Variants in IL3RA observed in about 807,000 individuals in gnomAD.
IL3RA encodes the protein interleukin 3 receptor subunit alpha, also known as interleukin-3 receptor subunit alpha.
A neutral mutation model predicts 52.3 loss-of-function variants in IL3RA; 73 were observed. The ratio of observed to expected loss-of-function variants is 1.40; its 90% confidence interval spans 1.16 to 1.70. The LOEUF is 1.70. IL3RA is among the 40% of genes most tolerant of loss of function. The pLI is 0.00. For synonymous variants in IL3RA, 260 were observed against 194.0 expected, an observed-to-expected ratio of 1.34 and a Z score of -2.83; for missense variants, 664 against 504.4, an observed-to-expected ratio of 1.32 and a Z score of -3.03.
chrX:1,356,644 G>C (rs1406432544), intron 7 of IL3RA, among the ~76,000 whole-genome samples: 2 of 151,796 alleles, frequency 1.3e-5, no homozygotes, highest in South Asian at 4.1e-4. Flanking sequence ...TGGTGGCACG[G>C]TCTTGTAGTT....
chrX:1,382,594 G>GA lies in IL3RA; in HGVS notation c.*130dup. 1.2e-6 allele frequency: 1 copy of GA among 800,618 alleles called. No individual in the cohort carries two copies. Among genetic ancestry groups the GA allele is most frequent in the South Asian group, 1.4e-5 (1 of 69,534 alleles). 49.6% of individuals were successfully genotyped at this position (800,618 alleles called of 1,614,324 possible). On this transcript the variant is annotated 3_prime_UTR_variant, in exon 12 of 12. Transcript: ENST00000331035. ...CATTCCTAACGGGTGGTGGGCATGG[G>GA]AGATGCCTGTGTAATTTCGTCCGAA... is the stretch of plus-strand genomic sequence containing the variant.
intron 11 of IL3RA, 135 bp from the exon 12 acceptor site, chrX:1,382,256 C>CCGGGA (rs1415619196): frequency 1.5e-4 from 128 of 826,248 alleles, no homozygotes; most frequent in Middle Eastern, 3.5e-4. Flanking sequence ...GCCCAAAGTG[C>CCGGGA]TGGGATGACA....
In IL3RA at chrX:1,347,401, C is replaced by T. The variant is rs868814912; in HGVS notation, c.184-1030C>T. The stretch of plus-strand genomic sequence containing the variant: ...AGAAGCTTGCAGTGAGCCGAGATCG[C>T]GCCACTGCACTCCAGCCTGGGCGAC... On this transcript the variant is annotated intron_variant, in intron 3 of 11. Transcript: ENST00000331035. 1.3e-4 allele frequency among the ~76,000 whole-genome samples: 20 copies of T among 148,868 alleles called. No homozygotes were observed. The East Asian group carries it at 1.9e-3, about 14-fold the overall frequency.
chrX:1,341,964 A>G, intron 2 of IL3RA, 135 bp downstream of exon 2: 1 of 929,682 alleles, frequency 1.1e-6, no homozygotes. Flanking sequence ...GTGGTCGGGA[A>G]TGACTCAGAC....
intron 2 of IL3RA, among the ~76,000 whole-genome samples, chrX:1,344,564 G>A (rs1394673468): frequency 6.6e-6 from 1 of 151,674 alleles, no homozygotes; most frequent in African/African-American, 2.4e-5. Context: ...CACGAGGTCA[G>A]GAGATCGAGA....
chrX:1,359,911 CTCTCCCTGTG>C, intron 8 of IL3RA, among the ~76,000 whole-genome samples: 1 of 149,862 alleles, frequency 6.7e-6, no homozygotes, highest in African/African-American at 2.5e-5. Context: ...ATCTCTCTGT[CTCTCCCTGTG>C]TCTATCTCCC....
chrX:1,378,451 G>C (rs753630810), intron 9 of IL3RA, among the ~76,000 whole-genome samples: 2 of 150,980 alleles, frequency 1.3e-5, no homozygotes, highest in African/African-American at 5.0e-5. Flanking sequence ...TCCGGAAGTC[G>C]CTCCCGGTCC....
At chrX:1,362,476 CTCTG>C (rs1430836606) in intron 8 of IL3RA, among the ~76,000 whole-genome samples, 2 of 151,614 alleles carry the variant, frequency 1.3e-5, no homozygotes, top group East Asian at 3.9e-4. Flanking sequence ...ATCTGTCTCT[CTCTG>C]TCCATCACCC....
chrX:1,347,273 G>A lies in IL3RA; in HGVS notation c.184-1158G>A, dbSNP rs180673999. Among the ~76,000 whole-genome samples the A allele has an allele frequency of 1.8e-4, 25 of 138,938 alleles. 1 individual carries two copies. Among genetic ancestry groups the A allele is most frequent in the African/African-American group, 5.3e-4 (20 of 37,462 alleles). The allele number at this position is 138,938 out of a possible 152,430, so 91.1% of individuals were successfully genotyped here. ...CTCCTGGCTAACACGGTGAAACCCC[G>A]TCTCTACTAAAAATATAAAAATTAG... is the stretch of plus-strand genomic sequence containing the variant. On this transcript the variant is annotated intron_variant, in intron 3 of 11. Coordinates refer to ENST00000331035, the MANE Select transcript of IL3RA (RefSeq NM_002183.4).
rs781761996 is a variant in IL3RA, at chrX:1,358,910, C to T, written c.759+23C>T. Reference sequence around the variant, plus strand: ...CAGGTGAGTGTTCCCTACCCCCAGCCGCTGTACTTGACATTGCAAAGGGTG... The same window carrying T: ...CAGGTGAGTGTTCCCTACCCCCAGCTGCTGTACTTGACATTGCAAAGGGTG... On this transcript the variant is annotated intron_variant, in intron 8 of 11. Coordinates refer to ENST00000331035, the MANE Select transcript of IL3RA (RefSeq NM_002183.4). The T allele has an allele frequency of 7.3e-5, 117 of 1,605,224 alleles. 3 individuals carry two copies. The highest frequency in any genetic ancestry group is 1.7e-4 in the Middle Eastern group (1 of 6,046).
chrX:1,364,726 C>A (rs757869603), intron 8 of IL3RA, among the ~76,000 whole-genome samples: 1 of 152,022 alleles, frequency 6.6e-6, no homozygotes, highest in African/African-American at 2.4e-5. Flanking sequence ...AATTCTCCCA[C>A]CTCAGCCTCC....
intron 9 of IL3RA, 82 bp from the exon 10 acceptor site, chrX:1,378,577 C>T (rs2088958476): frequency 8.0e-7 from 1 of 1,245,916 alleles, no homozygotes; most frequent in African/African-American, 1.5e-5. Context: ...TCTCTGCTTC[C>T]CAGGGCCCCG....
chrX:1,381,105 G>A lies in IL3RA; in HGVS notation c.1062+1G>A, dbSNP rs1273681011. 2 of 1,613,708 alleles carry A rather than the reference G, an allele frequency of 1.2e-6. No individual in the cohort carries two copies. The highest frequency in any genetic ancestry group is 4.5e-5 in the East Asian group (2 of 44,878). ...TGACAGCTTCCAAAACGACAAGCTG[G>A]TATGTTGTTTTTTCTGCCTTGGGAC... On this transcript the variant is annotated splice_donor_variant, in intron 11 of 11. Transcript: ENST00000331035. LOFTEE classifies it high-confidence loss of function.
At position 1,344,810 on chromosome X, in the gene IL3RA, C is replaced by A. The variant is rs375301713; in HGVS notation, c.65-506C>A. 3.2e-4 allele frequency among the ~76,000 whole-genome samples: 49 copies of A among 151,300 alleles called. 1 individual carries two copies. The East Asian group carries it at 8.0e-3, about 25-fold the overall frequency. On this transcript the variant is annotated intron_variant, in intron 2 of 11. Coordinates refer to ENST00000331035, the MANE Select transcript of IL3RA (RefSeq NM_002183.4). ...AAATTTAAAAAAATAAAGAACTCGA[C>A]CTCCCAAAGGTATTGGCTAACTCCA...
At chrX:1,341,986 C>T (rs761936384) in intron 2 of IL3RA, among the ~76,000 whole-genome samples, 157 bp downstream of exon 2, 8 of 152,142 alleles carry the variant, frequency 5.3e-5, no homozygotes, top group Admixed American at 1.3e-4. Flanking sequence ...CTTCCCTGTA[C>T]CCGTCACCAA....
At chrX:1,345,191 A>G in intron 2 of IL3RA, 125 bp from the exon 3 acceptor site, 1 of 597,204 alleles carries the variant, frequency 1.7e-6, no homozygotes, top group Non-Finnish European at 3.0e-6. Context: ...AAAATTAAAT[A>G]AAAGAACTCC....
At chrX:1,337,094 C>T (rs1466959433) in intron 1 of IL3RA, among the ~76,000 whole-genome samples, 168 bp downstream of exon 1, 2 of 152,166 alleles carry the variant, frequency 1.3e-5, no homozygotes, top group East Asian at 3.8e-4. Flanking sequence ...TAGAATGACC[C>T]GGTACCAGAG....
At chrX:1,367,849 G>C (rs1363426999) in intron 9 of IL3RA, among the ~76,000 whole-genome samples, 1 of 150,944 alleles carries the variant, frequency 6.6e-6, no homozygotes, top group Non-Finnish European at 1.5e-5. Context: ...CCTGGGTCAC[G>C]GAAACACTCC....
chrX:1,368,569 G>C (rs1369389443), intron 9 of IL3RA, among the ~76,000 whole-genome samples: 1 of 152,174 alleles, frequency 6.6e-6, no homozygotes, highest in Non-Finnish European at 1.5e-5. Flanking sequence ...GAATGTGACT[G>C]TGTTTGGAGT....
Sources: gnomAD v4.1 joint callset for allele counts (sites outside exome capture counted in the v4.1 genomes callset) on GRCh38, gnomAD v4.1.1 for gene constraint, MANE v1.5 for transcripts, NCBI Gene and HGNC (gene_info 2026-07-23, HGNC 2026-07-21) for gene names.